Variants in TENM4 observed in about 807,000 individuals in gnomAD.
TENM4 encodes teneurin transmembrane protein 4.
Under a neutral mutation model 243.3 loss-of-function variants are expected in TENM4, and 82 were observed. That is an observed-to-expected ratio of 0.34 (90% confidence interval 0.28 to 0.40). TENM4 has a LOEUF of 0.40. Ranked by LOEUF, TENM4 falls within the 10% of genes least tolerant of loss-of-function variation. TENM4 has a pLI of 1.00. For missense variants in TENM4, 3,138 were observed against 3,673.3 expected (o/e 0.85, Z 3.77); for synonymous variants, 1,412 against 1,456.3 (o/e 0.97, Z 0.69).
In TENM4 at chr11:79,114,011, A is replaced by G. The variant is rs1167791495; in HGVS notation, c.-66+34699T>C. Among the ~76,000 whole-genome samples the G allele has an allele frequency of 2.6e-5, 4 of 152,032 alleles. No homozygotes were observed. In the East Asian group the frequency reaches 5.8e-4, roughly 22 times the overall value. On this transcript the variant is annotated intron_variant, in intron 4 of 33. Transcript: ENST00000278550. ...CCCATCAGAGTGGTTTCAGCTCCCA[A>G]ACGATCTCTCCACTCCCACTTCTAA...
intron 6 of TENM4, chr11:78,962,119 A>G (rs900102336): frequency 6.6e-6 from 1 of 152,492 alleles, no homozygotes; most frequent in African/African-American, 2.4e-5. Flanking sequence ...AAACCCTCAA[A>G]AGTAGGAAGA....
chr11:78,923,683 A>G (rs1486228370), intron 6 of TENM4, among the ~76,000 whole-genome samples: 1 of 119,380 alleles, frequency 8.4e-6, no homozygotes, highest in Non-Finnish European at 1.7e-5. Context: ...GATGACAGGC[A>G]TGCACCTGGC....
chr11:78,721,398 C>T (rs534099573), intron 24 of TENM4, among the ~76,000 whole-genome samples: 9 of 152,344 alleles, frequency 5.9e-5, no homozygotes, highest in African/African-American at 2.2e-4. Context: ...GCCCTGCCTT[C>T]CTTTCACGCG....
At chr11:78,693,660 A>T (rs1858883451) in intron 28 of TENM4, among the ~76,000 whole-genome samples, 1 of 152,088 alleles carries the variant, frequency 6.6e-6, no homozygotes, top group South Asian at 2.1e-4. Flanking sequence ...CCTCCCACTG[A>T]TTTTTCTTCA....
chr11:79,086,173 TTGAATCAGAGGCA>T (rs72465469), intron 4 of TENM4, among the ~76,000 whole-genome samples: 41,003 of 152,036 alleles, frequency 0.27, 5,610 homozygotes, highest in East Asian at 0.42. Flanking sequence ...ATTAGCAAAC[TTGAATCAGAGGCA>T]TGAAAAACAC....
chr11:79,046,357 A>G (rs565396049), intron 6 of TENM4, among the ~76,000 whole-genome samples: 55 of 152,028 alleles, frequency 3.6e-4, no homozygotes, highest in African/African-American at 1.3e-3. Context: ...TTTAAGACCC[A>G]GGCTTCTGAG....
intron 6 of TENM4, among the ~76,000 whole-genome samples, chr11:78,913,451 G>T (rs1008202403): frequency 6.6e-6 from 1 of 152,158 alleles, no homozygotes; most frequent in Non-Finnish European, 1.5e-5. Context: ...TCCTGGGAAA[G>T]CTTTCTGGCT....
At chr11:79,413,788 A>T (rs947537375) in intron 1 of TENM4, among the ~76,000 whole-genome samples, 1 of 152,196 alleles carries the variant, frequency 6.6e-6, no homozygotes, top group Non-Finnish European at 1.5e-5. Context: ...AATAAACATC[A>T]TATTGTGGTT....
intron 6 of TENM4, among the ~76,000 whole-genome samples, chr11:78,952,629 G>A (rs543728526): frequency 2.6e-4 from 40 of 152,308 alleles, no homozygotes; most frequent in African/African-American, 9.6e-4. Flanking sequence ...TCCTTCTCAG[G>A]ATAATAGCAG....
chr11:78,779,701 C>T (rs542483092), intron 16 of TENM4, among the ~76,000 whole-genome samples: 1 of 152,170 alleles, frequency 6.6e-6, no homozygotes, highest in Non-Finnish European at 1.5e-5. Flanking sequence ...TGGGCAGTCT[C>T]CTGAAGGATC....
At chr11:79,397,624 A>G (rs1012636984) in intron 1 of TENM4, among the ~76,000 whole-genome samples, 3 of 152,212 alleles carry the variant, frequency 2.0e-5, no homozygotes, top group Admixed American at 6.5e-5. Context: ...ACAGAATAAG[A>G]GTAAGTAGAG....
chr11:78,764,624 G>A (rs751396801), intron 18 of TENM4, among the ~76,000 whole-genome samples: 95 of 152,312 alleles, frequency 6.2e-4, no homozygotes, highest in Middle Eastern at 3.4e-3. Context: ...TTCCCTACAG[G>A]AGGAGCTCAT....
rs545219013 is a variant in TENM4, at chr11:79,289,664, T to A, written c.-265+7824A>T. ...ATCCTAAGAGCATGCTCCAATAAAC[T>A]TTCTGCATGCAAATCTCTGTCCTAG... is the stretch of plus-strand genomic sequence containing the variant. On this transcript the variant is annotated intron_variant, in intron 2 of 33. Transcript: ENST00000278550. 2.4e-4 allele frequency among the ~76,000 whole-genome samples: 36 copies of A among 152,350 alleles called. No homozygotes were observed. In the South Asian group the frequency reaches 7.0e-3, roughly 30 times the overall value.
At chr11:79,359,179 T>A (rs533513252) in intron 1 of TENM4, among the ~76,000 whole-genome samples, 2 of 152,216 alleles carry the variant, frequency 1.3e-5, no homozygotes, top group East Asian at 3.9e-4. Flanking sequence ...GGCAGGAGGA[T>A]TCTTTGAACT....
At chr11:78,890,288 A>G (rs946653689) in intron 8 of TENM4, among the ~76,000 whole-genome samples, 1 of 152,218 alleles carries the variant, frequency 6.6e-6, no homozygotes, top group Non-Finnish European at 1.5e-5. Context: ...GAAGGTGTTA[A>G]CCAACTCAAC....
At chr11:79,044,605 C>G (rs1436005652) in intron 6 of TENM4, among the ~76,000 whole-genome samples, 1 of 152,222 alleles carries the variant, frequency 6.6e-6, no homozygotes, top group Non-Finnish European at 1.5e-5. Context: ...ATGGAGGAAA[C>G]ACATCGTACT....
chr11:79,102,992 C>G (rs749372892), intron 4 of TENM4, among the ~76,000 whole-genome samples: 1 of 152,160 alleles, frequency 6.6e-6, no homozygotes, highest in Non-Finnish European at 1.5e-5. Flanking sequence ...CTTTCCAAGT[C>G]TCTAGTCCCT....
chr11:78,773,561 T>G (rs1020465286), intron 17 of TENM4, among the ~76,000 whole-genome samples: 1 of 152,180 alleles, frequency 6.6e-6, no homozygotes, highest in African/African-American at 2.4e-5. Context: ...GTTATCTAGA[T>G]CAGAGTCAGC....
At chr11:79,346,056 C>A (rs77629686) in intron 1 of TENM4, among the ~76,000 whole-genome samples, 4,811 of 152,280 alleles carry the variant, frequency 0.032, 135 homozygotes, top group Non-Finnish European at 0.048. Flanking sequence ...TCCTGACGAC[C>A]TGATCTCAGT....
Sources: gnomAD v4.1 joint callset for allele counts (sites outside exome capture counted in the v4.1 genomes callset) on GRCh38, gnomAD v4.1.1 for gene constraint, MANE v1.5 for transcripts, NCBI Gene and HGNC (gene_info 2026-07-23, HGNC 2026-07-21) for gene names.